Variants in GNAL observed in about 807,000 individuals in gnomAD.
The protein encoded by GNAL is guanine nucleotide-binding protein G(olf) subunit alpha.
GNAL carries 18 observed loss-of-function variants against 55.1 expected under a neutral mutation model. The ratio of observed to expected loss-of-function variants is 0.33; its 90% CI spans 0.23 to 0.48. The LOEUF (loss-of-function observed/expected upper bound fraction) is 0.48. Among genes scored for constraint, GNAL ranks in the 20% least tolerant of loss-of-function variants. GNAL has a pLI of 0.99. For synonymous variants in GNAL, 253 were observed against 237.0 expected (o/e 1.07, Z -0.62); for missense variants, 412 against 614.1 (o/e 0.67, Z 3.48).
chr18:11,707,667 G>A (rs1287306633), intron 1 of GNAL, among the ~76,000 whole-genome samples: 1 of 152,222 alleles, frequency 6.6e-6, no homozygotes. Flanking sequence ...AAGCTGTGGA[G>A]CCAGGGATTG....
intron 4 of GNAL, among the ~76,000 whole-genome samples, chr18:11,755,087 G>C (rs1339447310): frequency 6.6e-6 from 1 of 151,944 alleles, no homozygotes; most frequent in Non-Finnish European, 1.5e-5. Flanking sequence ...TGGTGGTTTG[G>C]AGACATTTTT....
chr18:11,852,142 A>G, intron 5 of GNAL: 1 of 1,539,388 alleles, frequency 6.5e-7, no homozygotes, highest in Non-Finnish European at 8.8e-7. Flanking sequence ...TTTCCTGGCC[A>G]TAGCCACCCT....
At chr18:11,876,400 T>C (rs1598449091) in intron 10 of GNAL, among the ~76,000 whole-genome samples, 1 of 151,888 alleles carries the variant, frequency 6.6e-6, no homozygotes, top group South Asian at 2.1e-4. Flanking sequence ...GAGGTGGAGG[T>C]TGCAGTGAGC....
chr18:11,879,826 C>T (rs3786306), intron 11 of GNAL, among the ~76,000 whole-genome samples: 32,350 of 152,196 alleles, frequency 0.21, 3,740 homozygotes, highest in East Asian at 0.47. Context: ...GATCACTTTT[C>T]TCCCAGAAGG....
intron 5 of GNAL, among the ~76,000 whole-genome samples, chr18:11,850,402 T>G (rs2035831264): frequency 6.6e-6 from 1 of 152,168 alleles, no homozygotes. Flanking sequence ...CAGAATTCGC[T>G]CTCAGAGTTC....
At chr18:11,730,501 C>T (rs966670124) in intron 1 of GNAL, among the ~76,000 whole-genome samples, 6 of 152,042 alleles carry the variant, frequency 3.9e-5, no homozygotes, top group Non-Finnish European at 7.4e-5. Context: ...CAGTGGCTCA[C>T]GCCTGTAATC....
intron 4 of GNAL, among the ~76,000 whole-genome samples, chr18:11,821,416 G>C (rs2035085799): frequency 6.6e-6 from 1 of 152,188 alleles, no homozygotes; most frequent in Admixed American, 6.5e-5. Flanking sequence ...TAACTGATCT[G>C]AGCACAATGA....
intron 4 of GNAL, among the ~76,000 whole-genome samples, chr18:11,816,013 A>G (rs1250852830): frequency 1.3e-5 from 2 of 152,186 alleles, no homozygotes; most frequent in Non-Finnish European, 2.9e-5. Context: ...GAACCCCTAA[A>G]CATTGCCCTT....
At chr18:11,865,076 T>C (rs930275489) in intron 7 of GNAL, among the ~76,000 whole-genome samples, 14 of 150,758 alleles carry the variant, frequency 9.3e-5, no homozygotes, top group Non-Finnish European at 1.8e-4. Context: ...ATCACCCTAG[T>C]CCTGCTCCAT....
chr18:11,865,235 TC>T (rs2036235180), intron 7 of GNAL, among the ~76,000 whole-genome samples: 1 of 79,776 alleles, frequency 1.3e-5, no homozygotes. Flanking sequence ...TGAAGAAGGT[TC>T]GGGGCTCACT....
intron 5 of GNAL, among the ~76,000 whole-genome samples, chr18:11,848,290 C>G (rs1157604164): frequency 6.6e-6 from 1 of 152,074 alleles, no homozygotes; most frequent in Admixed American, 6.6e-5. Context: ...AGGAGAACAG[C>G]CTTCTCTTCA....
intron 11 of GNAL, 27 bp downstream of exon 11, chr18:11,876,715 T>G: frequency 8.0e-7 from 1 of 1,253,232 alleles, no homozygotes. Context: ...ACCTTTGTTT[T>G]TCTACCTCCC....
intron 4 of GNAL, among the ~76,000 whole-genome samples, chr18:11,781,980 G>A (rs917591612): frequency 6.6e-6 from 1 of 152,148 alleles, no homozygotes; most frequent in Non-Finnish European, 1.5e-5. Context: ...ACAAGACAAT[G>A]GATACATAAT....
At chr18:11,721,381 C>T (rs912412747) in intron 1 of GNAL, among the ~76,000 whole-genome samples, 3 of 152,192 alleles carry the variant, frequency 2.0e-5, no homozygotes, top group African/African-American at 7.2e-5. Flanking sequence ...GATATTTTTA[C>T]CACCATCAGT....
rs1412205600 is a variant in GNAL at position 11,827,335 on chromosome 18, G to A, written c.722+2320G>A. On this transcript the variant is annotated intron_variant, in intron 5 of 11. Transcript: ENST00000334049. Reference sequence around the variant, plus strand: ...AAAAAGTATTTAAAATGTCCTGGCCGGGCATGATGGCTCATGCCTGTAATC... The same window carrying A: ...AAAAAGTATTTAAAATGTCCTGGCCAGGCATGATGGCTCATGCCTGTAATC... Among the ~76,000 whole-genome samples, 4 of 152,178 alleles carry A rather than the reference G, an allele frequency of 2.6e-5. No individual in the cohort carries two copies. The East Asian group carries it at 5.8e-4, about 22-fold the overall frequency.
intron 4 of GNAL, among the ~76,000 whole-genome samples, chr18:11,817,475 C>T (rs2034984917): frequency 6.6e-6 from 1 of 152,218 alleles, no homozygotes; most frequent in African/African-American, 2.4e-5. Flanking sequence ...TAAACGTTAA[C>T]CTCATGCAGT....
chr18:11,724,695 T>A (rs1428142151), intron 1 of GNAL, among the ~76,000 whole-genome samples: 1 of 152,164 alleles, frequency 6.6e-6, no homozygotes, highest in Non-Finnish European at 1.5e-5. Flanking sequence ...CAGTCACGAC[T>A]AGCCACTTCC....
intron 4 of GNAL, among the ~76,000 whole-genome samples, chr18:11,799,969 T>C (rs973333211): frequency 6.6e-6 from 1 of 152,074 alleles, no homozygotes; most frequent in Non-Finnish European, 1.5e-5. Flanking sequence ...CTCCATTCCT[T>C]TTCCCTATTT....
At chr18:11,812,842 C>CA (rs922898392) in intron 4 of GNAL, among the ~76,000 whole-genome samples, 97 of 134,140 alleles carry the variant, frequency 7.2e-4, no homozygotes, top group African/African-American at 2.0e-3. Flanking sequence ...GACTCCGTCT[C>CA]AAAAAAAAAA....
Sources: allele counts gnomAD v4.1 joint callset (sites outside exome capture counted in the v4.1 genomes callset), GRCh38; gene constraint gnomAD v4.1.1; transcripts MANE v1.5; gene names NCBI Gene and HGNC (gene_info 2026-07-23, HGNC 2026-07-21).